Variants in UBE2E2 observed in about 807,000 individuals in gnomAD.
The protein encoded by UBE2E2 is ubiquitin-conjugating enzyme E2 E2.
In UBE2E2, 6 loss-of-function variants were observed where a neutral mutation model predicts 24.7. The observed-to-expected ratio is 0.24, with a 90% CI of 0.13 to 0.48. UBE2E2 has a LOEUF of 0.48. UBE2E2 is among the 20% of genes least tolerant of loss of function. The probability of loss-of-function intolerance (pLI) is 0.99; values close to 1 mark genes in which losing one functional copy is unlikely to be tolerated. For missense variants in UBE2E2, 169 were observed against 245.0 expected, an observed-to-expected ratio of 0.69 and a Z score of 2.07; for synonymous variants, 104 against 83.6, an observed-to-expected ratio of 1.24 and a Z score of -1.33.
chr3:23,357,715 G>C (rs756088177), intron 3 of UBE2E2, among the ~76,000 whole-genome samples: 1 of 152,108 alleles, frequency 6.6e-6, no homozygotes, highest in Non-Finnish European at 1.5e-5. Context: ...AAGCTTAGAT[G>C]TATCTCTGAG....
chr3:23,250,128 C>T (rs1291619953), intron 3 of UBE2E2, among the ~76,000 whole-genome samples: 1 of 152,154 alleles, frequency 6.6e-6, no homozygotes, highest in Non-Finnish European at 1.5e-5. Context: ...TGAGTAAGGA[C>T]TGTTGTTACC....
chr3:23,384,567 G>C (rs1252451847), intron 3 of UBE2E2, among the ~76,000 whole-genome samples: 1 of 152,062 alleles, frequency 6.6e-6, no homozygotes, highest in East Asian at 1.9e-4. Flanking sequence ...TTTTGAGATG[G>C]ACTCTCACTC....
intron 3 of UBE2E2, among the ~76,000 whole-genome samples, chr3:23,417,011 G>A (rs988906893): frequency 5.3e-5 from 8 of 152,062 alleles, no homozygotes; most frequent in South Asian, 2.1e-4. Context: ...CCTTTAGCTC[G>A]GAGGAATTTG....
intron 3 of UBE2E2, among the ~76,000 whole-genome samples, chr3:23,404,031 C>T (rs1350631944): frequency 6.6e-6 from 1 of 152,134 alleles, no homozygotes; most frequent in African/African-American, 2.4e-5. Context: ...TGAGCAGGAA[C>T]TGTATGCAAA....
rs182599637 is a variant in UBE2E2, at chr3:23,356,529, G to A, written c.227+139217G>A. ...CATATGTTTCCTGAAAACTTATCCC[G>A]AATTTATTTTTGTTAATTATCTCAT... On this transcript the variant is annotated intron_variant, in intron 3 of 5. Transcript: ENST00000396703. Among the ~76,000 whole-genome samples, 3 of 152,198 alleles carry A rather than the reference G, an allele frequency of 2.0e-5. No individual in the cohort carries two copies. The East Asian group carries it at 5.8e-4, about 29-fold the overall frequency.
chr3:23,421,717 G>A (rs118167996), intron 3 of UBE2E2, among the ~76,000 whole-genome samples: 4,387 of 152,272 alleles, frequency 0.029, 109 homozygotes, highest in East Asian at 0.13. Context: ...GGAGGCCATT[G>A]TCTTAAGTGA....
chr3:23,500,308 A>G (rs529164500), intron 4 of UBE2E2, among the ~76,000 whole-genome samples: 60 of 152,354 alleles, frequency 3.9e-4, no homozygotes, highest in African/African-American at 1.4e-3. Context: ...ATAATAGTTC[A>G]TTAATGAAAC....
Position 23,589,929 on chromosome 3 carries a change from C to A in UBE2E2, c.*98C>A. 8.6e-7 allele frequency: 1 copy of A among 1,157,608 alleles called. No homozygotes were observed. Among genetic ancestry groups the A allele is most frequent in the Non-Finnish European group, 1.2e-6 (1 of 814,562 alleles). The allele number at this position is 1,157,608 out of a possible 1,614,324, so 71.7% of individuals were successfully genotyped here. ...CCTCCAGACCTCGGTTCTTATTTTCCTATTTTTATTAAATTTGGAACCATT... is the reference window on the plus strand; with the variant it reads ...CCTCCAGACCTCGGTTCTTATTTTCATATTTTTATTAAATTTGGAACCATT... On this transcript the variant is annotated 3_prime_UTR_variant, in exon 6 of 6. Coordinates refer to ENST00000396703, the MANE Select transcript of UBE2E2 (RefSeq NM_152653.4). The surrounding 1 kb of genome is among the most constrained non-coding windows in gnomAD (Gnocchi z 4.1).
chr3:23,588,410 G>GTTTTTTTTTT, intron 5 of UBE2E2, among the ~76,000 whole-genome samples: 1 of 130,062 alleles, frequency 7.7e-6, no homozygotes. Context: ...TTGTTTTTTT[G>GTTTTTTTTTT]TTTTTTTTTT....
intron 3 of UBE2E2, among the ~76,000 whole-genome samples, chr3:23,491,635 C>G (rs1056171341): frequency 1.3e-5 from 2 of 152,146 alleles, no homozygotes; most frequent in Non-Finnish European, 2.9e-5. Flanking sequence ...TTTGGGATGG[C>G]AAGGGATGGG....
intron 5 of UBE2E2, among the ~76,000 whole-genome samples, chr3:23,563,396 G>A (rs1007631628): frequency 7.9e-5 from 12 of 152,136 alleles, no homozygotes; most frequent in Admixed American, 5.9e-4. Context: ...GAGTTTCTTA[G>A]TCCTGAGTTC....
At chr3:23,224,030 G>A (rs1218783659) in intron 3 of UBE2E2, among the ~76,000 whole-genome samples, 2 of 151,984 alleles carry the variant, frequency 1.3e-5, no homozygotes, top group African/African-American at 2.4e-5. Flanking sequence ...CCAGTACCAT[G>A]CTGTTTTGAT....
At chr3:23,505,143 A>G (rs866435198) in intron 4 of UBE2E2, among the ~76,000 whole-genome samples, 2 of 148,120 alleles carry the variant, frequency 1.4e-5, no homozygotes, top group African/African-American at 5.0e-5. Context: ...CTGGTCTTGA[A>G]CTCCGGGGCT....
intron 3 of UBE2E2, among the ~76,000 whole-genome samples, chr3:23,229,808 A>G (rs1441096477): frequency 6.6e-6 from 1 of 152,224 alleles, no homozygotes; most frequent in African/African-American, 2.4e-5. Flanking sequence ...CGAGTATTTG[A>G]AAGGTGACTA....
chr3:23,438,637 ATAAT>A (rs1698234047), intron 3 of UBE2E2, among the ~76,000 whole-genome samples: 1 of 152,194 alleles, frequency 6.6e-6, no homozygotes, highest in African/African-American at 2.4e-5. Context: ...TTCTTGAGTA[ATAAT>A]TAAAGTATTA....
intron 5 of UBE2E2, among the ~76,000 whole-genome samples, chr3:23,539,356 G>T (rs1264535102): frequency 6.6e-6 from 1 of 152,134 alleles, no homozygotes; most frequent in Non-Finnish European, 1.5e-5. Flanking sequence ...TACGTCCTTT[G>T]ATAGGTTTGA....
At chr3:23,514,192 G>A (rs567765282) in intron 4 of UBE2E2, among the ~76,000 whole-genome samples, 4 of 152,268 alleles carry the variant, frequency 2.6e-5, no homozygotes, top group African/African-American at 9.6e-5. Context: ...CCTTCTCATT[G>A]TTCAGGACTG....
rs1295426451 is a variant in UBE2E2 at position 23,488,594 on chromosome 3, C to T, written c.228-11014C>T. 2.0e-5 allele frequency among the ~76,000 whole-genome samples: 3 copies of T among 152,108 alleles called. No individual in the cohort carries two copies. In the East Asian group the frequency reaches 5.8e-4, roughly 29 times the overall value. ...TAATAATTATGCAATTAGAATGATA[C>T]CGGGAAGCTTTACATTTCACCGTGT... On this transcript the variant is annotated intron_variant, in intron 3 of 5. Coordinates refer to ENST00000396703, the MANE Select transcript of UBE2E2 (RefSeq NM_152653.4).
intron 3 of UBE2E2, among the ~76,000 whole-genome samples, chr3:23,401,677 C>T (rs1697225848): frequency 6.6e-6 from 1 of 151,844 alleles, no homozygotes; most frequent in Admixed American, 6.6e-5. Flanking sequence ...ATTATATATA[C>T]ATATGTATAA....
Sources: allele counts gnomAD v4.1 joint callset (sites outside exome capture counted in the v4.1 genomes callset), GRCh38; gene constraint gnomAD v4.1.1; non-coding constraint Gnocchi (gnomAD v3.1); transcripts MANE v1.5; gene names NCBI Gene and HGNC (gene_info 2026-07-23, HGNC 2026-07-21).